Variants in MCUB observed in about 807,000 individuals in gnomAD.
The protein encoded by MCUB is calcium uniporter regulatory subunit MCUb, mitochondrial.
A neutral mutation model predicts 41.4 loss-of-function variants in MCUB; 46 were observed. That is an observed-to-expected ratio of 1.11 (90% CI 0.88 to 1.42). The LOEUF is 1.42. Among genes scored for constraint, MCUB ranks in the 40% most tolerant of loss-of-function variants. The pLI is 0.00. For synonymous variants in MCUB, 148 were observed against 148.2 expected (o/e 1.00, Z 0.01); for missense variants, 403 against 404.9 (o/e 1.00, Z 0.04).
intron 4 of MCUB, among the ~76,000 whole-genome samples, chr4:109,682,250 CT>C (rs1240843105): frequency 6.6e-6 from 1 of 151,828 alleles, no homozygotes; most frequent in East Asian, 1.9e-4. Flanking sequence ...GCCAGAGAGC[CT>C]TTCTTGTAGC....
At chr4:109,575,410 A>C (rs1727003907) in intron 1 of MCUB, among the ~76,000 whole-genome samples, 1 of 152,260 alleles carries the variant, frequency 6.6e-6, no homozygotes, top group Non-Finnish European at 1.5e-5. Flanking sequence ...GCCTGAAACC[A>C]ACTCAAGTGT....
intron 1 of MCUB, among the ~76,000 whole-genome samples, chr4:109,624,033 T>C (rs1316407820): frequency 1.3e-5 from 2 of 152,080 alleles, no homozygotes; most frequent in African/African-American, 4.8e-5. Flanking sequence ...AAAAATTTTT[T>C]GTAGAGTCAA....
intron 4 of MCUB, 102 bp downstream of exon 4, chr4:109,664,496 C>T: frequency 1.7e-6 from 1 of 587,236 alleles, no homozygotes. Flanking sequence ...GTCGTCATAG[C>T]TCACTGTAAT....
chr4:109,608,797 G>A (rs80008037), intron 1 of MCUB, among the ~76,000 whole-genome samples: 10,233 of 152,128 alleles, frequency 0.067, 470 homozygotes, highest in Non-Finnish European at 0.1. Flanking sequence ...CACCATACCC[G>A]GCCTGAAGAG....
At chr4:109,604,432 T>C (rs1474742835) in intron 1 of MCUB, among the ~76,000 whole-genome samples, 2 of 152,218 alleles carry the variant, frequency 1.3e-5, no homozygotes, top group East Asian at 3.8e-4. Flanking sequence ...TCTGTAGGCT[T>C]TTCCAGATAT....
chr4:109,679,566 G>A (rs1024356776), intron 4 of MCUB, among the ~76,000 whole-genome samples: 8 of 152,182 alleles, frequency 5.3e-5, no homozygotes, highest in African/African-American at 1.9e-4. Context: ...AGGTTGCAGC[G>A]AGCCGAGATC....
At chr4:109,584,643 G>C (rs939627372) in intron 1 of MCUB, among the ~76,000 whole-genome samples, 19 of 152,244 alleles carry the variant, frequency 1.2e-4, no homozygotes, top group African/African-American at 4.1e-4. Context: ...AGAGATTCTG[G>C]TACCTTGTGT....
intron 1 of MCUB, among the ~76,000 whole-genome samples, chr4:109,633,481 G>A (rs1728522355): frequency 6.6e-6 from 1 of 152,010 alleles, no homozygotes; most frequent in African/African-American, 2.4e-5. Context: ...GTGTTAGCCA[G>A]GATGGTCTCG....
intron 1 of MCUB, among the ~76,000 whole-genome samples, chr4:109,601,452 A>G (rs1410724893): frequency 6.6e-6 from 1 of 151,994 alleles, no homozygotes; most frequent in Non-Finnish European, 1.5e-5. Flanking sequence ...CATGAGTTCA[A>G]TTGTTTTAAG....
At chr4:109,681,082 G>A (rs1444229555) in intron 4 of MCUB, among the ~76,000 whole-genome samples, 1 of 152,168 alleles carries the variant, frequency 6.6e-6, no homozygotes, top group Non-Finnish European at 1.5e-5. Context: ...TAGCTGGGAT[G>A]GACCCCTGTG....
chr4:109,682,773 A>G (rs778602782), intron 5 of MCUB, 31 bp downstream of exon 5: 1 of 1,548,298 alleles, frequency 6.5e-7, no homozygotes, highest in Non-Finnish European at 8.8e-7. Context: ...AGTATATTTG[A>G]AAATAATACC....
At chr4:109,659,887 C>T (rs970970309) in intron 2 of MCUB, among the ~76,000 whole-genome samples, 3 of 152,134 alleles carry the variant, frequency 2.0e-5, no homozygotes, top group Non-Finnish European at 4.4e-5. Flanking sequence ...CAAACTTCTG[C>T]GCTCAGGCAG....
chr4:109,664,339 T>C lies in MCUB; in HGVS notation c.396T>C (p.Asn132=). ...CCTTGATGGATATTTTGCTAATGAA[T>C]GATTTTAAACTTGTCATTAATAAAA... ...ASTLMDILLM[N]DFKLVINKIA... is the part of the protein sequence containing the mutation. Residue 132 remains asparagine (N), a synonymous_variant, in exon 4 of 8, where the codon AAT becomes AAC. Transcript: ENST00000394650. 1 of 1,587,154 alleles carries C rather than the reference T, an allele frequency of 6.3e-7. No individual in the cohort carries two copies. The highest frequency in any genetic ancestry group is 1.3e-5 in the African/African-American group (1 of 74,484).
intron 1 of MCUB, among the ~76,000 whole-genome samples, chr4:109,644,778 A>G (rs1022356562): frequency 3.9e-5 from 6 of 152,222 alleles, no homozygotes; most frequent in Non-Finnish European, 8.8e-5. Flanking sequence ...ACCTTTACAC[A>G]TAAATCTTTG....
intron 1 of MCUB, among the ~76,000 whole-genome samples, chr4:109,644,232 AAGG>A (rs1453172396): frequency 4.6e-5 from 7 of 152,224 alleles, no homozygotes; most frequent in Admixed American, 6.5e-5. Flanking sequence ...AAAGTAATAA[AAGG>A]AGCAAAAACT....
Position 109,580,508 on chromosome 4 carries a change from C to T in MCUB, c.99+20072C>T, listed in dbSNP as rs373777016. 2.2e-4 allele frequency among the ~76,000 whole-genome samples: 33 copies of T among 152,234 alleles called. No individual in the cohort carries two copies. In the East Asian group the frequency reaches 5.4e-3, roughly 25 times the overall value. On this transcript the variant is annotated intron_variant, in intron 1 of 7. Coordinates refer to ENST00000394650, the MANE Select transcript of MCUB (RefSeq NM_017918.5). The stretch of plus-strand genomic sequence containing the variant: ...TACACTCCCAACAACAGTGTAAAAG[C>T]GTTCCTATTTCTCCACATCCTTTCC...
intron 5 of MCUB, 88 bp from the exon 6 acceptor site, chr4:109,684,355 C>T: frequency 9.2e-7 from 1 of 1,084,812 alleles, no homozygotes; most frequent in Non-Finnish European, 1.3e-6. Flanking sequence ...AGCCACCGCG[C>T]CCGGCAAGAG....
At chr4:109,584,516 G>C (rs1018633487) in intron 1 of MCUB, among the ~76,000 whole-genome samples, 31 of 152,068 alleles carry the variant, frequency 2.0e-4, no homozygotes, top group East Asian at 1.9e-4. Context: ...GTTTGCTCTT[G>C]CATCTCTAGT....
chr4:109,675,761 C>G (rs4698779), intron 4 of MCUB, among the ~76,000 whole-genome samples: 17,279 of 152,196 alleles, frequency 0.11, 1,025 homozygotes, highest in Non-Finnish European at 0.13. Context: ...GAGAGGTTAT[C>G]TTGGCAGTAG....
Sources: gnomAD v4.1 joint callset for allele counts (sites outside exome capture counted in the v4.1 genomes callset) on GRCh38, gnomAD v4.1.1 for gene constraint, MANE v1.5 for transcripts, NCBI Gene and HGNC (gene_info 2026-07-23, HGNC 2026-07-21) for gene names.